COL4A4: variants seen among roughly 807,000 people sequenced by gnomAD.
COL4A4 encodes the protein collagen type IV alpha 4 chain, also known as collagen alpha-4(IV) chain.
A neutral mutation model predicts 192.9 loss-of-function variants in COL4A4; 105 were observed. That is an observed-to-expected ratio of 0.54 (90% CI 0.46 to 0.64). COL4A4 has a LOEUF of 0.64. COL4A4 is among the 30% of genes least tolerant of loss of function. The pLI, the probability that COL4A4 is intolerant of heterozygous loss-of-function variation, is 0.00. For synonymous variants in COL4A4, 762 were observed against 769.9 expected, an observed-to-expected ratio of 0.99 and a Z score of 0.17; for missense variants, 1,967 against 2,169.3, an observed-to-expected ratio of 0.91 and a Z score of 1.85.
chr2:227,015,439 G>C (rs537402548), intron 44 of COL4A4, among the ~76,000 whole-genome samples: 1 of 152,270 alleles, frequency 6.6e-6, no homozygotes, highest in East Asian at 1.9e-4. Flanking sequence ...ACCTCAGCGA[G>C]CTGTGTTTTA....
chr2:227,058,262 G>GTGTGTGTGTA (rs1319532850), intron 28 of COL4A4, among the ~76,000 whole-genome samples: 1 of 152,126 alleles, frequency 6.6e-6, no homozygotes, highest in Non-Finnish European at 1.5e-5. Context: ...GAGAGATAGA[G>GTGTGTGTGTA]TGTGTGTGTA....
At chr2:227,019,951 GC>G (rs1465682915) in intron 44 of COL4A4, among the ~76,000 whole-genome samples, 1 of 152,242 alleles carries the variant, frequency 6.6e-6, no homozygotes, top group Admixed American at 6.5e-5. Flanking sequence ...ACAGGCGTGA[GC>G]CACAACACCC....
At chr2:227,094,723 G>A (rs1020422308) in intron 19 of COL4A4, among the ~76,000 whole-genome samples, 1 of 152,188 alleles carries the variant, frequency 6.6e-6, no homozygotes, top group South Asian at 2.1e-4. Flanking sequence ...CCCCACAAAT[G>A]ATAACTATGT....
intron 13 of COL4A4, among the ~76,000 whole-genome samples, 163 bp from the exon 14 acceptor site, chr2:227,103,360 A>C (rs1448280788): frequency 6.6e-6 from 1 of 152,206 alleles, no homozygotes; most frequent in African/African-American, 2.4e-5. Flanking sequence ...TATAAACCAG[A>C]TACTATTTGA....
intron 25 of COL4A4, among the ~76,000 whole-genome samples, chr2:227,070,875 T>TAAATAAATAAATA (rs1553653262): frequency 6.7e-6 from 1 of 149,736 alleles, no homozygotes; most frequent in African/African-American, 2.5e-5. Context: ...TAAAGTATAA[T>TAAATAAATAAATA]AATAAATAAA....
rs2150235414 is a variant in COL4A4, at chr2:227,056,053, C to G, written c.2608G>C (p.Gly870Arg). Residue 870 changes from glycine to arginine, a missense_variant, in exon 30 of 48, where the codon GGC becomes CGC. Physicochemically the swap from Gly to Arg is moderately radical, Grantham distance 125. Coordinates refer to ENST00000396625, the MANE Select transcript of COL4A4 (RefSeq NM_000092.5). ...GGCCGTCCTGGGAGTCCGGGGAGGCCTTTCATTCCAGCTGGCCCGGGAGGC... is the reference window on the plus strand; with the variant it reads ...GGCCGTCCTGGGAGTCCGGGGAGGCGTTTCATTCCAGCTGGCCCGGGAGGC... ...VGPPGPAGMK[G>R]LPGLPGRPGA... The G allele has an allele frequency of 6.2e-7, 1 of 1,614,048 alleles. No individual in the cohort carries two copies. The highest frequency in any genetic ancestry group is 2.2e-5 in the East Asian group (1 of 44,860).
rs552531101 is a variant in COL4A4, at chr2:227,085,244, G to A, written c.1624-3057C>T. Among the ~76,000 whole-genome samples, 15 of 152,246 alleles carry A rather than the reference G, an allele frequency of 9.9e-5. No homozygotes were observed. The South Asian group carries it at 2.9e-3, about 29-fold the overall frequency. On this transcript the variant is annotated intron_variant, in intron 22 of 47. Coordinates refer to ENST00000396625, the MANE Select transcript of COL4A4 (RefSeq NM_000092.5). ...AACTGCAGATGCCTACAGGGGTGGC[G>A]CCTGTCCAGTCCAAGGGGAACAGGT...
intron 25 of COL4A4, among the ~76,000 whole-genome samples, chr2:227,077,327 C>T (rs2059077945): frequency 6.6e-6 from 1 of 152,048 alleles, no homozygotes; most frequent in South Asian, 2.1e-4. Flanking sequence ...AGAATGAGAA[C>T]ATTTTCTTTT....
chr2:227,135,262 C>T (rs2062739604), intron 4 of COL4A4, among the ~76,000 whole-genome samples: 1 of 152,148 alleles, frequency 6.6e-6, no homozygotes, highest in East Asian at 1.9e-4. Context: ...AGGACAAATT[C>T]TCACATCCCA....
chr2:227,119,005 C>T (rs550012212), intron 6 of COL4A4, among the ~76,000 whole-genome samples: 85 of 151,948 alleles, frequency 5.6e-4, no homozygotes, highest in African/African-American at 1.9e-3. Flanking sequence ...AGGGGACCTT[C>T]CTTAAAATCC....
rs757729337 is a variant in COL4A4 at position 227,098,647 on chromosome 2, C to G, written c.1204+47G>C. On this transcript the variant is annotated intron_variant, in intron 19 of 47. Coordinates refer to ENST00000396625, the MANE Select transcript of COL4A4 (RefSeq NM_000092.5). ...AAAGCTACTGGTGCTGATGATGATG[C>G]AGGAAATCTGACCTGTAAAAGCCAG... is the stretch of plus-strand genomic sequence containing the variant. 9 of 1,411,500 alleles carry G rather than the reference C, an allele frequency of 6.4e-6. 1 individual carries two copies. The highest frequency in any genetic ancestry group is 1.8e-4 in the Middle Eastern group (1 of 5,708). The allele number at this position is 1,411,500 out of a possible 1,614,324, so 87.4% of individuals were successfully genotyped here.
chr2:227,094,145 T>C lies in COL4A4; in HGVS notation c.1349A>G (p.Gln450Arg). Residue 450 changes from glutamine (Q) to arginine (R), a missense_variant, in exon 20 of 48, where the codon CAG becomes CGG. Physicochemically the swap from Gln to Arg is conservative, Grantham distance 43. Coordinates refer to ENST00000396625, the MANE Select transcript of COL4A4 (RefSeq NM_000092.5). The part of the protein sequence containing the change: ...SPGLPGAPGL[Q>R]GLPGSSVIYC... ...TTTACCACTTGATCCTGGGAGGCCC[T>C]GCAGGCCTGGTGCTCCAGGCAAGCC... The C allele has an allele frequency of 6.2e-7, 1 of 1,613,788 alleles. No homozygotes were observed. The highest frequency in any genetic ancestry group is 2.2e-5 in the East Asian group (1 of 44,884).
chr2:227,070,866 A>G (rs1195528218), intron 25 of COL4A4, among the ~76,000 whole-genome samples: 1 of 146,542 alleles, frequency 6.8e-6, no homozygotes, highest in African/African-American at 2.6e-5. Flanking sequence ...CCTAAAACTT[A>G]AAGTATAATA....
At chr2:227,131,632 C>CA (rs1014284408) in intron 4 of COL4A4, among the ~76,000 whole-genome samples, 1 of 152,034 alleles carries the variant, frequency 6.6e-6, no homozygotes, top group South Asian at 2.1e-4. Flanking sequence ...AATGGCGCCA[C>CA]AAAAAAAGAT....
intron 6 of COL4A4, among the ~76,000 whole-genome samples, chr2:227,119,350 A>G (rs1405680918): frequency 6.6e-6 from 1 of 151,420 alleles, no homozygotes; most frequent in East Asian, 1.9e-4. Context: ...TTTGCTATGT[A>G]TAATATATAC....
At chr2:227,161,949 G>A (rs202188354) in intron 1 of COL4A4, among the ~76,000 whole-genome samples, 1 of 150,490 alleles carries the variant, frequency 6.6e-6, no homozygotes, top group Non-Finnish European at 1.5e-5. Flanking sequence ...AAAAAAAAAA[G>A]AATCAAATTT....
chr2:227,081,771 G>T (rs1428674729), intron 23 of COL4A4, among the ~76,000 whole-genome samples: 5 of 150,978 alleles, frequency 3.3e-5, no homozygotes, highest in Non-Finnish European at 7.4e-5. Flanking sequence ...TTCAAGCTGG[G>T]CTTCTTTCAT....
the COL4A4 span, among the ~76,000 whole-genome samples, chr2:226,985,437 C>T: frequency 6.6e-6 from 1 of 152,248 alleles, no homozygotes; most frequent in Non-Finnish European, 1.5e-5. Flanking sequence ...AACCCTAATT[C>T]TGCTTACGAT....
chr2:227,028,225 C>T (rs560241171), intron 41 of COL4A4, among the ~76,000 whole-genome samples: 1 of 152,264 alleles, frequency 6.6e-6, no homozygotes, highest in South Asian at 2.1e-4. Context: ...GGAAATGGCT[C>T]CATGATCAAG....
Sources: gnomAD v4.1 joint callset for allele counts (sites outside exome capture counted in the v4.1 genomes callset) on GRCh38, gnomAD v4.1.1 for gene constraint, MANE v1.5 for transcripts, NCBI Gene and HGNC (gene_info 2026-07-23, HGNC 2026-07-21) for gene names.